The following ATP9B variants were observed in gnomAD, a reference collection of about 807,000 sequenced individuals.
ATP9B encodes probable phospholipid-transporting ATPase IIB.
In ATP9B, 110 loss-of-function variants were observed where a neutral mutation model predicts 146.1. The ratio of observed to expected loss-of-function variants is 0.75; its 90% confidence interval spans 0.65 to 0.88. ATP9B has a LOEUF of 0.88. ATP9B is among the 40% of genes least tolerant of loss of function. ATP9B has a pLI of 0.00. For missense variants in ATP9B, 1,499 were observed against 1,496.4 expected (o/e 1.00, Z -0.03); for synonymous variants, 604 against 569.7 (o/e 1.06, Z -0.86).
intron 1 of ATP9B, among the ~76,000 whole-genome samples, chr18:79,071,332 CATG>C (rs1213439735): frequency 6.7e-6 from 1 of 148,596 alleles, no homozygotes; most frequent in Non-Finnish European, 1.5e-5. Flanking sequence ...TTATAAAACT[CATG>C]ATGATAAAGA....
At chr18:79,181,066 C>T (rs1275635848) in intron 8 of ATP9B, among the ~76,000 whole-genome samples, 5 of 152,076 alleles carry the variant, frequency 3.3e-5, no homozygotes, top group Admixed American at 6.5e-5. Flanking sequence ...CCACCTTGGC[C>T]TCCCAAAGTG....
At chr18:79,130,213 T>C (rs1003290235) in intron 5 of ATP9B, among the ~76,000 whole-genome samples, 1 of 152,086 alleles carries the variant, frequency 6.6e-6, no homozygotes, top group Non-Finnish European at 1.5e-5. Context: ...AAGGAAACCA[T>C]GGGGATGTTG....
chr18:79,318,185 T>C (rs983538005), intron 15 of ATP9B, among the ~76,000 whole-genome samples: 18 of 152,242 alleles, frequency 1.2e-4, no homozygotes, highest in African/African-American at 4.1e-4. Context: ...TTGGGGAGCA[T>C]AATTCCTCTT....
At chr18:79,096,351 T>C (rs1385247939) in intron 1 of ATP9B, 125 bp from the exon 2 acceptor site, 1 of 909,538 alleles carries the variant, frequency 1.1e-6, no homozygotes, top group African/African-American at 1.7e-5. Context: ...GCCTCTGCAG[T>C]CTTATTTATA....
intron 1 of ATP9B, among the ~76,000 whole-genome samples, chr18:79,094,976 G>A (rs946658389): frequency 6.6e-6 from 1 of 152,144 alleles, no homozygotes; most frequent in Non-Finnish European, 1.5e-5. Flanking sequence ...CTTAAAACGT[G>A]CTGTTTCTCT....
intron 5 of ATP9B, among the ~76,000 whole-genome samples, chr18:79,141,443 C>T (rs1343028113): frequency 4.6e-5 from 7 of 152,222 alleles, no homozygotes; most frequent in African/African-American, 1.7e-4. Context: ...AAACAAAAAG[C>T]TGATAATACA....
At chr18:79,128,052 C>CTTTTTTTTTTT (rs1173565651) in intron 5 of ATP9B, among the ~76,000 whole-genome samples, 3 of 71,686 alleles carry the variant, frequency 4.2e-5, no homozygotes, top group African/African-American at 1.2e-4. Flanking sequence ...CCTTTGCCGA[C>CTTTTTTTTTTT]TTTTTTTTTT....
intron 11 of ATP9B, among the ~76,000 whole-genome samples, chr18:79,217,822 C>T (rs2095641994): frequency 6.6e-6 from 1 of 152,148 alleles, no homozygotes; most frequent in Admixed American, 6.5e-5. Flanking sequence ...TCAAAGAAGG[C>T]TGGTGCAAAC....
chr18:79,196,956 A>G (rs1302589509), intron 9 of ATP9B, among the ~76,000 whole-genome samples: 1 of 152,228 alleles, frequency 6.6e-6, no homozygotes, highest in African/African-American at 2.4e-5. Flanking sequence ...GGAGAGGCAT[A>G]GAAGAGAGAG....
Position 79,126,771 on chromosome 18 carries a change from A to G in ATP9B, c.667+396A>G, listed in dbSNP as rs78218160. Among the ~76,000 whole-genome samples the G allele has an allele frequency of 1.1e-3, 164 of 152,370 alleles. 2 individuals are homozygous for G. The highest frequency in any genetic ancestry group is 3.7e-3 in the African/African-American group (154 of 41,588). ...AATGTCTATACCATGGCATTAACCT[A>G]TTCTTAAGTACAGAGGCCTTTGAAC... is the stretch of plus-strand genomic sequence containing the variant. On this transcript the variant is annotated intron_variant, in intron 5 of 29. Transcript: ENST00000426216.
At chr18:79,135,922 T>TAAA (rs2094442149) in intron 5 of ATP9B, among the ~76,000 whole-genome samples, 2 of 152,214 alleles carry the variant, frequency 1.3e-5, no homozygotes, top group African/African-American at 4.8e-5. Context: ...GCATTGCCTT[T>TAAA]AAACTCTTCA....
intron 10 of ATP9B, chr18:79,209,703 A>G (rs975491199): frequency 7.3e-5 from 72 of 982,772 alleles, no homozygotes; most frequent in Admixed American, 6.8e-4. Context: ...AAAACCATCC[A>G]CTCGAGAAGC....
At chr18:79,341,383 AGC>A (rs2096857934) in intron 19 of ATP9B, among the ~76,000 whole-genome samples, 1 of 123,184 alleles carries the variant, frequency 8.1e-6, no homozygotes, top group East Asian at 2.5e-4. Flanking sequence ...GGATGTGTGT[AGC>A]GTGACCTCGT....
chr18:79,230,138 T>C (rs2095776865), intron 11 of ATP9B, among the ~76,000 whole-genome samples: 1 of 152,292 alleles, frequency 6.6e-6, no homozygotes, highest in South Asian at 2.1e-4. Flanking sequence ...TATAAAAATA[T>C]ATAAATTTAG....
chr18:79,101,269 G>A (rs978386849), intron 2 of ATP9B, among the ~76,000 whole-genome samples: 1 of 151,734 alleles, frequency 6.6e-6, no homozygotes, highest in East Asian at 1.9e-4. Context: ...TCTGCATCTC[G>A]TTTTAATATC....
rs2096973924 is a variant in ATP9B at position 79,359,444 on chromosome 18, G to A, written c.2994G>A (p.Leu998=). 1.2e-6 allele frequency: 2 copies of A among 1,613,672 alleles called. No homozygotes were observed. The highest frequency in any genetic ancestry group is 1.3e-5 in the African/African-American group (1 of 74,928). ...AGATGGCGATGCTCTACCCGGAGCT[G>A]TACAAGGACCTCACCAAGGTACGGG... ...KPEMAMLYPE[L]YKDLTKGRSL... Residue 998 remains leucine, a synonymous_variant, in exon 26 of 30, where the codon CTG becomes CTA. Coordinates refer to ENST00000426216, the MANE Select transcript of ATP9B (RefSeq NM_198531.5).
intron 15 of ATP9B, among the ~76,000 whole-genome samples, chr18:79,312,333 C>T (rs919551794): frequency 6.6e-6 from 1 of 152,248 alleles, no homozygotes; most frequent in Non-Finnish European, 1.5e-5. Flanking sequence ...CACTCCGTTA[C>T]TTTTATAATT....
At chr18:79,260,623 A>G (rs1458188758) in intron 12 of ATP9B, among the ~76,000 whole-genome samples, 9 of 152,214 alleles carry the variant, frequency 5.9e-5, no homozygotes, top group Admixed American at 5.9e-4. Flanking sequence ...GCTTGACCTA[A>G]AGGAACAGAG....
chr18:79,291,134 G>A (rs2096498517), intron 13 of ATP9B, among the ~76,000 whole-genome samples: 1 of 151,446 alleles, frequency 6.6e-6, no homozygotes, highest in Non-Finnish European at 1.5e-5. Flanking sequence ...GTTCATTATA[G>A]TCCCAAAAAA....
Sources: gnomAD v4.1 joint callset for allele counts (sites outside exome capture counted in the v4.1 genomes callset) on GRCh38, gnomAD v4.1.1 for gene constraint, MANE v1.5 for transcripts, NCBI Gene and HGNC (gene_info 2026-07-23, HGNC 2026-07-21) for gene names.